The following NTSR1 variants were observed in gnomAD, a reference collection of about 807,000 sequenced individuals.
The protein encoded by NTSR1 is neurotensin receptor 1.
NTSR1 carries 29 observed loss-of-function variants against 31.2 expected under a neutral mutation model. That is an observed-to-expected ratio of 0.93 (90% CI 0.69 to 1.27). The LOEUF (loss-of-function observed/expected upper bound fraction) is 1.27. Ranked by LOEUF, NTSR1 falls within the 50% of genes most tolerant of loss-of-function variation. The pLI is 0.00. For synonymous variants in NTSR1, 282 were observed against 269.9 expected, an observed-to-expected ratio of 1.04 and a Z score of -0.44; for missense variants, 697 against 595.4, an observed-to-expected ratio of 1.17 and a Z score of -1.78.
At chr20:62,738,048 C>A in intron 1 of NTSR1, among the ~76,000 whole-genome samples, 1 of 152,224 alleles carries the variant, frequency 6.6e-6, no homozygotes, top group East Asian at 1.9e-4. Context: ...CCTGCAGTGC[C>A]CATCTGCCCA....
At position 62,742,296 on chromosome 20, in the gene NTSR1, G is replaced by A. The variant is rs1989219243; in HGVS notation, c.715-12389G>A. Among the ~76,000 whole-genome samples, 1 of 149,298 alleles carries A rather than the reference G, an allele frequency of 6.7e-6. No homozygotes were observed. The highest frequency in any genetic ancestry group is 1.5e-5 in the Non-Finnish European group (1 of 67,992). ...AGAAATGCTGGCGTTCCAGGAGGTG[G>A]TGTGTGGGCTCCTCCTCAGGCCAGG... On this transcript the variant is annotated intron_variant, in intron 1 of 3. Coordinates refer to ENST00000370501, the MANE Select transcript of NTSR1 (RefSeq NM_002531.3). The surrounding 1 kb of genome is among the most constrained non-coding windows in gnomAD (Gnocchi z 7.1).
chr20:62,724,592 G>A (rs1365374899), intron 1 of NTSR1, among the ~76,000 whole-genome samples: 1 of 152,226 alleles, frequency 6.6e-6, no homozygotes, highest in Non-Finnish European at 1.5e-5. Flanking sequence ...GGAGATCTGT[G>A]TTTTGACAGC....
intron 1 of NTSR1, among the ~76,000 whole-genome samples, chr20:62,721,117 A>G (rs898418435): frequency 6.6e-6 from 1 of 152,222 alleles, no homozygotes; most frequent in Non-Finnish European, 1.5e-5. Flanking sequence ...TGCTGGGTAT[A>G]TTATTCTATG....
rs1989557784 is a variant in NTSR1 at position 62,758,630 on chromosome 20, G to A, written c.1007+274G>A. Among the ~76,000 whole-genome samples, 1 of 152,152 alleles carries A rather than the reference G, an allele frequency of 6.6e-6. No homozygotes were observed. The highest frequency in any genetic ancestry group is 2.4e-5 in the African/African-American group (1 of 41,438). On this transcript the variant is annotated intron_variant, in intron 3 of 3. Coordinates refer to ENST00000370501, the MANE Select transcript of NTSR1 (RefSeq NM_002531.3). This position sits in a 1 kb window ranked among gnomAD's most constrained non-coding sequence, Gnocchi z 4.5. ...CAGGCAGTTTCCCGAAGGTGAAAGA[G>A]AGACATCCCTGGCTCTGCTGGGGAC...
At position 62,712,262 on chromosome 20, in the gene NTSR1, C is replaced by T. The variant is rs1266081959; in HGVS notation, c.714+2341C>T. ...CCATTGGCAGATCTGGGCAAACATC[C>T]ACGGTTTTCAGATGGTGATGTCTGG... On this transcript the variant is annotated intron_variant, in intron 1 of 3. Transcript: ENST00000370501. Among the ~76,000 whole-genome samples the T allele has an allele frequency of 2.6e-5, 4 of 152,232 alleles. No homozygotes were observed. In the East Asian group the frequency reaches 7.7e-4, roughly 29 times the overall value.
chr20:62,709,777 C>T lies in NTSR1; in HGVS notation c.570C>T (p.Ser190=). 1.2e-6 allele frequency: 2 copies of T among 1,613,048 alleles called. No homozygotes were observed. The highest frequency in any genetic ancestry group is 1.7e-5 in the Admixed American group (1 of 60,032). ...MSRSRTKKFI[S]AIWLASALLA... The stretch of plus-strand genomic sequence containing the variant: ...GAAGCCGCACCAAGAAGTTCATCAG[C>T]GCCATCTGGCTCGCCTCGGCCCTGC... Residue 190 remains serine (S), a synonymous_variant, in exon 1 of 4, where the codon AGC becomes AGT. Coordinates refer to ENST00000370501, the MANE Select transcript of NTSR1 (RefSeq NM_002531.3).
rs1194928304 is a variant in NTSR1, at chr20:62,742,160, C to T, written c.715-12525C>T. On this transcript the variant is annotated intron_variant, in intron 1 of 3. Coordinates refer to ENST00000370501, the MANE Select transcript of NTSR1 (RefSeq NM_002531.3). The surrounding 1 kb of genome is among the most constrained non-coding windows in gnomAD (Gnocchi z 7.1). ...GGGGCCAAGTACTAGCCAGAAGCTGCGCCGTCCATTTCATCCCCTCCCCAC... is the reference window on the plus strand; with the variant it reads ...GGGGCCAAGTACTAGCCAGAAGCTGTGCCGTCCATTTCATCCCCTCCCCAC... Among the ~76,000 whole-genome samples the T allele has an allele frequency of 6.7e-6, 1 of 149,586 alleles. No individual in the cohort carries two copies. Among genetic ancestry groups the T allele is most frequent in the Non-Finnish European group, 1.5e-5 (1 of 68,018 alleles).
intron 1 of NTSR1, 23 bp downstream of exon 1, chr20:62,709,944 G>C (rs747112156): frequency 1.3e-6 from 2 of 1,536,616 alleles, no homozygotes; most frequent in Non-Finnish European, 1.8e-6. Context: ...AACCAGCCCC[G>C]GGGCTCCCCT....
At chr20:62,727,310 C>T (rs1363990404) in intron 1 of NTSR1, among the ~76,000 whole-genome samples, 1 of 152,230 alleles carries the variant, frequency 6.6e-6, no homozygotes, top group South Asian at 2.1e-4. Flanking sequence ...CCTCTCCACC[C>T]TCAGGGAGCA....
intron 1 of NTSR1, among the ~76,000 whole-genome samples, chr20:62,713,630 C>T (rs1181413728): frequency 6.6e-6 from 1 of 152,178 alleles, no homozygotes. Flanking sequence ...AACTTATTCT[C>T]AAATCATTCA....
At chr20:62,755,028 C>T in intron 2 of NTSR1, 142 bp downstream of exon 2, 1 of 742,184 alleles carries the variant, frequency 1.3e-6, no homozygotes, top group South Asian at 1.9e-5. Context: ...GTGCCAGCTC[C>T]CCCGAGGGGT....
intron 1 of NTSR1, among the ~76,000 whole-genome samples, chr20:62,718,845 T>G (rs945659633): frequency 2.0e-5 from 3 of 152,218 alleles, no homozygotes; most frequent in Admixed American, 6.5e-5. Context: ...ATGATGAATT[T>G]TGTGTGAATA....
intron 1 of NTSR1, among the ~76,000 whole-genome samples, chr20:62,730,834 T>G (rs1255575471): frequency 6.6e-6 from 1 of 152,242 alleles, no homozygotes; most frequent in Non-Finnish European, 1.5e-5. Context: ...TAATGACATA[T>G]GATGTGGAGC....
chr20:62,754,660 C>A, intron 1 of NTSR1, 25 bp from the exon 2 acceptor site: 1 of 1,598,972 alleles, frequency 6.3e-7, no homozygotes, highest in Non-Finnish European at 8.5e-7. Flanking sequence ...CTGGCTCTGA[C>A]AGCCTCGCCC....
intron 1 of NTSR1, among the ~76,000 whole-genome samples, chr20:62,748,176 A>C (rs1989335094): frequency 1.1e-5 from 1 of 88,554 alleles, no homozygotes; most frequent in Non-Finnish European, 2.1e-5. Context: ...AATCTGTCTC[A>C]AAAAAAAAAA....
chr20:62,759,931 C>T, intron 3 of NTSR1, 87 bp from the exon 4 acceptor site: 1 of 1,336,102 alleles, frequency 7.5e-7, no homozygotes, highest in Non-Finnish European at 1.1e-6. Flanking sequence ...CCACCACGTC[C>T]CTCAGCCGCT....
In NTSR1 at chr20:62,759,393, C is replaced by G. The variant is rs530717238; in HGVS notation, c.1008-625C>G. Among the ~76,000 whole-genome samples the G allele has an allele frequency of 3.9e-5, 6 of 152,270 alleles. No homozygotes were observed. In the East Asian group the frequency reaches 1.2e-3, roughly 29 times the overall value. On this transcript the variant is annotated intron_variant, in intron 3 of 3. Transcript: ENST00000370501. ...GGCCGGGACCAGCCAAGCCCTGGAC[C>G]CTTGGATGCACAGAGCTGCGAAGGG...
At chr20:62,722,029 A>C (rs1181316441) in intron 1 of NTSR1, among the ~76,000 whole-genome samples, 3 of 152,134 alleles carry the variant, frequency 2.0e-5, no homozygotes, top group African/African-American at 7.2e-5. Context: ...TCAATGGGTC[A>C]CATTTTACTT....
At chr20:62,738,433 G>C (rs1385582380) in intron 1 of NTSR1, among the ~76,000 whole-genome samples, 2 of 152,250 alleles carry the variant, frequency 1.3e-5, no homozygotes, top group East Asian at 1.9e-4. Flanking sequence ...CCATGGGGAG[G>C]CCTCGTTTCC....
Sources: allele counts gnomAD v4.1 joint callset (sites outside exome capture counted in the v4.1 genomes callset), GRCh38; gene constraint gnomAD v4.1.1; non-coding constraint Gnocchi (gnomAD v3.1); transcripts MANE v1.5; gene names NCBI Gene and HGNC (gene_info 2026-07-23, HGNC 2026-07-21).